Variants in CD27 observed in about 807,000 individuals in gnomAD.
CD27 encodes CD27 antigen.
A neutral mutation model predicts 25.9 loss-of-function variants in CD27; 16 were observed. That is an observed-to-expected ratio of 0.62 (90% CI 0.42 to 0.94). The LOEUF (loss-of-function observed/expected upper bound fraction) is 0.94, where lower values mean the gene tolerates loss of function less well. Among genes scored for constraint, CD27 ranks in the 40% least tolerant of loss-of-function variants. The probability of loss-of-function intolerance (pLI) is 0.00; values close to 1 mark genes in which losing one functional copy is unlikely to be tolerated. For missense variants in CD27, 300 were observed against 333.2 expected, an observed-to-expected ratio of 0.90 and a Z score of 0.78; for synonymous variants, 142 against 124.3, an observed-to-expected ratio of 1.14 and a Z score of -0.95.
At chr12:6,444,839 G>A, upstream of CD27, 2 of 410,826 alleles carry the variant, frequency 4.9e-6, no homozygotes, top group Non-Finnish European at 4.3e-6. Flanking sequence ...TGTTTGAAGA[G>A]CAGCAGGTCT....
upstream of CD27, chr12:6,444,791 G>A: frequency 3.6e-6 from 1 of 276,024 alleles, no homozygotes; most frequent in Non-Finnish European, 6.8e-6. Flanking sequence ...GAGCAGGAGA[G>A]GCGGAAACTA....
rs1354986428 is a variant in CD27, at chr12:6,445,579, G to T, written c.268+24G>T. 6.2e-7 allele frequency: 1 copy of T among 1,610,554 alleles called. No individual in the cohort carries two copies. Among genetic ancestry groups the T allele is most frequent in the Admixed American group, 1.7e-5 (1 of 59,882 alleles). On this transcript the variant is annotated intron_variant, in intron 2 of 5. Coordinates refer to ENST00000266557, the MANE Select transcript of CD27 (RefSeq NM_001242.5). The surrounding 1 kb of genome is among the most constrained non-coding windows in gnomAD (Gnocchi z 4.5). ...TGGTGAGGTGGGCAAGGGTGTGTAGGTGGGGACGATGGACAAGCATCTGGG... is the reference window on the plus strand; with the variant it reads ...TGGTGAGGTGGGCAAGGGTGTGTAGTTGGGGACGATGGACAAGCATCTGGG...
chr12:6,450,633 G>T lies in CD27; in HGVS notation c.538+3G>T, dbSNP rs949683631. ...GACTCTCTCTACCCACTGGCCACGTGAGTTTTCTCCTTAATCCCCACCGCT... is the reference window on the plus strand; with the variant it reads ...GACTCTCTCTACCCACTGGCCACGTTAGTTTTCTCCTTAATCCCCACCGCT... On this transcript the variant is annotated splice_donor_region_variant and intron_variant, in intron 4 of 5. Coordinates refer to ENST00000266557, the MANE Select transcript of CD27 (RefSeq NM_001242.5). The surrounding 1 kb of genome is among the most constrained non-coding windows in gnomAD (Gnocchi z 4.1). The T allele has an allele frequency of 1.2e-6, 2 of 1,611,172 alleles. No homozygotes were observed. Among genetic ancestry groups the T allele is most frequent in the Non-Finnish European group, 1.7e-6 (2 of 1,179,638 alleles).
At chr12:6,447,265 C>T (rs1356256686) in intron 2 of CD27, 3 of 152,342 alleles carry the variant, frequency 2.0e-5, no homozygotes, top group African/African-American at 7.2e-5. Context: ...AGTCAAAACC[C>T]CCCTACTCAC....
intron 2 of CD27, among the ~76,000 whole-genome samples, chr12:6,449,197 A>G (rs190599386): frequency 7.3e-5 from 11 of 151,694 alleles, no homozygotes; most frequent in African/African-American, 1.5e-4. Flanking sequence ...GGGTTTCACC[A>G]TGTTGGCCAG....
At chr12:6,449,315 C>CTT (rs549905322) in intron 2 of CD27, among the ~76,000 whole-genome samples, 77,017 of 123,420 alleles carry the variant, frequency 0.62, 24,408 homozygotes, top group African/African-American at 0.71. Context: ...TCTTTCTTTT[C>CTT]TTTTTTTTTT....
chr12:6,444,028 C>T (rs185866847), upstream of CD27, among the ~76,000 whole-genome samples: 1 of 152,248 alleles, frequency 6.6e-6, no homozygotes, highest in East Asian at 1.9e-4. Context: ...GAGATGACCC[C>T]CGTAGGAAGC....
In CD27 at chr12:6,450,426, C is replaced by A; in HGVS notation, c.448+74C>A. The stretch of plus-strand genomic sequence containing the variant: ...CCCCAACCAGTACTCCCCACTCCTA[C>A]CCCTAGATAAGGTCAGCCTGTTTCT... On this transcript the variant is annotated intron_variant, in intron 3 of 5. Coordinates refer to ENST00000266557, the MANE Select transcript of CD27 (RefSeq NM_001242.5). This position sits in a 1 kb window ranked among gnomAD's most constrained non-coding sequence, Gnocchi z 4.1. 1 of 1,537,854 alleles carries A rather than the reference C, an allele frequency of 6.5e-7. No individual in the cohort carries two copies. The highest frequency in any genetic ancestry group is 8.9e-7 in the Non-Finnish European group (1 of 1,122,898).
chr12:6,450,291 C>A lies in CD27; in HGVS notation c.387C>A (p.Thr129=), dbSNP rs199876113. ...ATCCTCTTCCAAACCCTTCGCTGAC[C>A]GCTCGGTCGTCTCAGGCCCTGAGCC... The part of the protein sequence containing the change: ...ECDPLPNPSL[T]ARSSQALSPH... The change falls in exon 3 of 6, where the codon ACC becomes ACA. Residue 129 remains threonine, a synonymous_variant. Transcript: ENST00000266557. The surrounding 1 kb of genome is among the most constrained non-coding windows in gnomAD (Gnocchi z 4.1). 2 of 1,613,670 alleles carry A rather than the reference C, an allele frequency of 1.2e-6. No homozygotes were observed. The highest frequency in any genetic ancestry group is 2.2e-5 in the South Asian group (2 of 91,090).
intron 2 of CD27, chr12:6,447,698 T>G (rs1402222853): frequency 1.3e-5 from 2 of 152,178 alleles, no homozygotes; most frequent in Non-Finnish European, 2.9e-5. Flanking sequence ...GTTTGTTACA[T>G]AGGTATACAT....
chr12:6,449,309 T>C (rs1161214820), intron 2 of CD27, among the ~76,000 whole-genome samples: 1 of 104,784 alleles, frequency 9.5e-6, no homozygotes, highest in Non-Finnish European at 1.8e-5. Flanking sequence ...TTTCTTTCTT[T>C]CTTTTCTTTT....
chr12:6,450,453 C>T lies in CD27; in HGVS notation c.449-88C>T. On this transcript the variant is annotated intron_variant, in intron 3 of 5. Transcript: ENST00000266557. The surrounding 1 kb of genome is among the most constrained non-coding windows in gnomAD (Gnocchi z 4.1). The stretch of plus-strand genomic sequence containing the variant: ...CCTAGATAAGGTCAGCCTGTTTCTG[C>T]CTTCCCATCCCATCCAGCACCTCTC... 4 of 1,533,230 alleles carry T rather than the reference C, an allele frequency of 2.6e-6. No individual in the cohort carries two copies. In the South Asian group the frequency reaches 4.6e-5, roughly 18 times the overall value. 95.0% of individuals were successfully genotyped at this position (1,533,230 alleles called of 1,614,324 possible). A position where few individuals can be genotyped will look rare whatever the true frequency, so the allele number is the denominator to read the frequency against.
Position 6,445,694 on chromosome 12 carries a change from A to G in CD27, c.268+139A>G. 2 of 1,091,184 alleles carry G rather than the reference A, an allele frequency of 1.8e-6. No homozygotes were observed. The highest frequency in any genetic ancestry group is 3.2e-5 in the South Asian group (2 of 61,876). The allele number at this position is 1,091,184 out of a possible 1,614,324, so 67.6% of individuals were successfully genotyped here. A position where few individuals can be genotyped will look rare whatever the true frequency, so the allele number is the denominator to read the frequency against. The stretch of plus-strand genomic sequence containing the variant: ...TTCAAGGCTCACAGCAAGTGGAGCC[A>G]ATGCTGGGAAATGCGGCACCCTAGG... On this transcript the variant is annotated intron_variant, in intron 2 of 5. Transcript: ENST00000266557. The surrounding 1 kb of genome is among the most constrained non-coding windows in gnomAD (Gnocchi z 4.5).
rs1055174337 is a variant in CD27 at position 6,451,609 on chromosome 12, C to G, written c.*217C>G. The G allele has an allele frequency of 1.7e-5, 9 of 515,342 alleles. No homozygotes were observed. Among genetic ancestry groups the G allele is most frequent in the African/African-American group, 1.3e-4 (7 of 52,322 alleles). 31.9% of individuals were successfully genotyped at this position (515,342 alleles called of 1,614,324 possible). ...TGGGAAGCAGGAGCCCAGCCAGCTG[C>G]GCCTGCGCTGCAGGAGGGCGGGGGC... On this transcript the variant is annotated 3_prime_UTR_variant, in exon 6 of 6. Transcript: ENST00000266557.
chr12:6,444,973 C>T lies in CD27; in HGVS notation c.-123C>T. The T allele has an allele frequency of 2.6e-6, 3 of 1,134,560 alleles. No individual in the cohort carries two copies. The highest frequency in any genetic ancestry group is 1.7e-5 in the South Asian group (1 of 58,474). The allele number at this position is 1,134,560 out of a possible 1,614,324, so 70.3% of individuals were successfully genotyped here. ...ATTCTGCCTTCAAAGGTTGGCTTGCCACCTGAAGCAGCCACTGCCCAGGGG... is the reference window on the plus strand; with the variant it reads ...ATTCTGCCTTCAAAGGTTGGCTTGCTACCTGAAGCAGCCACTGCCCAGGGG... On this transcript the variant is annotated 5_prime_UTR_variant, in exon 1 of 6. Coordinates refer to ENST00000266557, the MANE Select transcript of CD27 (RefSeq NM_001242.5).
rs776856547 is a variant in CD27, at chr12:6,445,149, C to T, written c.54C>T (p.Leu18=). 14 of 1,609,182 alleles carry T rather than the reference C, an allele frequency of 8.7e-6. No individual in the cohort carries two copies. Among genetic ancestry groups the T allele is most frequent in the Non-Finnish European group, 1.2e-5 (14 of 1,178,234 alleles). Residue 18 remains leucine, a synonymous_variant, in exon 1 of 6, where the codon CTC becomes CTT. Coordinates refer to ENST00000266557, the MANE Select transcript of CD27 (RefSeq NM_001242.5). This position sits in a 1 kb window ranked among gnomAD's most constrained non-coding sequence, Gnocchi z 4.5. The part of the protein sequence containing the change: ...WLCVLGTLVG[L]SATPAPKSCP... ...GCGTTCTGGGGACCCTGGTGGGGCTCTCAGCTACTCCAGCCCCCAAGAGCT... is the reference window on the plus strand; with the variant it reads ...GCGTTCTGGGGACCCTGGTGGGGCTTTCAGCTACTCCAGCCCCCAAGAGCT...
In CD27 at chr12:6,450,357, G is replaced by A; in HGVS notation, c.448+5G>A. On this transcript the variant is annotated splice_donor_5th_base_variant and intron_variant, in intron 3 of 5. Coordinates refer to ENST00000266557, the MANE Select transcript of CD27 (RefSeq NM_001242.5). This position sits in a 1 kb window ranked among gnomAD's most constrained non-coding sequence, Gnocchi z 4.1. ...CCCACTTACCTTATGTCAGTGGTAA[G>A]TTCCAGGCAACTCTCTGTGCCATCA... 1 of 1,609,470 alleles carries A rather than the reference G, an allele frequency of 6.2e-7. No homozygotes were observed. Among genetic ancestry groups the A allele is most frequent in the Non-Finnish European group, 8.5e-7 (1 of 1,178,810 alleles).
At chr12:6,449,601 CA>C (rs1379185565) in intron 2 of CD27, among the ~76,000 whole-genome samples, 19 of 152,178 alleles carry the variant, frequency 1.2e-4, no homozygotes, top group Non-Finnish European at 1.9e-4. Context: ...GTAATCCCAA[CA>C]CTTTGGGAGG....
chr12:6,449,454 T>C (rs1257603517), intron 2 of CD27, among the ~76,000 whole-genome samples: 5 of 152,026 alleles, frequency 3.3e-5, no homozygotes, highest in Non-Finnish European at 5.9e-5. Context: ...TATTTGTTGA[T>C]CTGCTGCTGG....
Sources: gnomAD v4.1 joint callset for allele counts (sites outside exome capture counted in the v4.1 genomes callset) on GRCh38, gnomAD v4.1.1 for gene constraint, Gnocchi (gnomAD v3.1) non-coding constraint, MANE v1.5 for transcripts, NCBI Gene and HGNC (gene_info 2026-07-23, HGNC 2026-07-21) for gene names.